The following STPG2 variants were observed in gnomAD, a reference collection of about 807,000 sequenced individuals.
The protein encoded by STPG2 is sperm-tail PG-rich repeat-containing protein 2.
In STPG2, 56 loss-of-function variants were observed where a neutral mutation model predicts 54.2. That is an observed-to-expected ratio of 1.03 (90% CI 0.83 to 1.29). The LOEUF is 1.29. Among genes scored for constraint, STPG2 ranks in the 50% most tolerant of loss-of-function variants. The pLI is 0.00. For synonymous variants in STPG2, 200 were observed against 181.8 expected (o/e 1.10, Z -0.81); for missense variants, 596 against 544.9 (o/e 1.09, Z -0.93).
At chr4:97,948,831 C>A (rs1733351548) in intron 7 of STPG2, among the ~76,000 whole-genome samples, 1 of 151,894 alleles carries the variant, frequency 6.6e-6, no homozygotes, top group Non-Finnish European at 1.5e-5. Flanking sequence ...TGTGGTGTGT[C>A]ATATAGGTCT....
chr4:97,903,722 G>A lies in STPG2; in HGVS notation c.1044+40175C>T, dbSNP rs556144322. On this transcript the variant is annotated intron_variant, in intron 8 of 10. Coordinates refer to ENST00000295268, the MANE Select transcript of STPG2 (RefSeq NM_174952.3). The stretch of plus-strand genomic sequence containing the variant: ...CTCACTAGGGAGTGCCAGACAGTGG[G>A]CGCAGGTCAGTGGGTGCGCAAACTG... 1.5e-4 allele frequency among the ~76,000 whole-genome samples: 23 copies of A among 152,306 alleles called. No individual in the cohort carries two copies. In the Middle Eastern group the frequency reaches 0.014, roughly 90 times the overall value.
At chr4:97,755,938 G>C (rs1725714621) in intron 9 of STPG2, among the ~76,000 whole-genome samples, 1 of 152,184 alleles carries the variant, frequency 6.6e-6, no homozygotes, top group South Asian at 2.1e-4. Flanking sequence ...TAGCAGGTCA[G>C]AGGAGTGACA....
intron 10 of STPG2, among the ~76,000 whole-genome samples, chr4:97,695,083 T>G (rs1723523740): frequency 9.9e-6 from 1 of 100,638 alleles, no homozygotes; most frequent in African/African-American, 3.2e-5. Context: ...GATGCAAAAA[T>G]CCTCCAAAAA....
chr4:97,503,440 A>T (rs112718369), intron 4 of STPG2, among the ~76,000 whole-genome samples: 2,464 of 152,068 alleles, frequency 0.016, 64 homozygotes, highest in African/African-American at 0.057. Context: ...TAATATTTCA[A>T]AATGTACCAA....
chr4:97,485,018 T>C (rs1392586767), intron 4 of STPG2, among the ~76,000 whole-genome samples: 1 of 151,112 alleles, frequency 6.6e-6, no homozygotes, highest in African/African-American at 2.4e-5. Flanking sequence ...ATCCCTTGAT[T>C]AAAACTCTCA....
chr4:98,085,856 TATTAAA>T (rs1247570058), intron 5 of STPG2, among the ~76,000 whole-genome samples: 3 of 152,002 alleles, frequency 2.0e-5, no homozygotes, highest in African/African-American at 7.2e-5. Flanking sequence ...TCTTCAAGAG[TATTAAA>T]ATTATCACAT....
chr4:97,772,751 C>A (rs1726257446), intron 9 of STPG2, among the ~76,000 whole-genome samples: 1 of 151,998 alleles, frequency 6.6e-6, no homozygotes, highest in Non-Finnish European at 1.5e-5. Context: ...AACTTTGTTA[C>A]CTCAAAATTT....
chr4:98,042,356 CT>C (rs1322683080), intron 5 of STPG2, among the ~76,000 whole-genome samples: 1 of 150,320 alleles, frequency 6.7e-6, no homozygotes, highest in Non-Finnish European at 1.5e-5. Context: ...TCTTTCTTTC[CT>C]TTTGCTAGCT....
chr4:97,809,755 A>G (rs969463601), intron 9 of STPG2, among the ~76,000 whole-genome samples: 3 of 152,188 alleles, frequency 2.0e-5, no homozygotes, highest in Admixed American at 6.5e-5. Flanking sequence ...ATAAGAACCC[A>G]GTTTGATCAA....
At chr4:98,036,945 G>A (rs1368719177) in intron 5 of STPG2, among the ~76,000 whole-genome samples, 2 of 151,908 alleles carry the variant, frequency 1.3e-5, no homozygotes, top group African/African-American at 2.4e-5. Context: ...TCAAGTTAGC[G>A]AAAATTGACC....
chr4:98,082,096 A>G (rs967900882), intron 5 of STPG2, among the ~76,000 whole-genome samples: 3 of 152,130 alleles, frequency 2.0e-5, no homozygotes, highest in Non-Finnish European at 4.4e-5. Context: ...CAACCCACCA[A>G]TGAGGTCACT....
intron 9 of STPG2, among the ~76,000 whole-genome samples, chr4:97,776,249 T>C (rs3852122): frequency 0.39 from 59,898 of 151,992 alleles, 11,933 homozygotes; most frequent in Middle Eastern, 0.46. Context: ...AAGTTAAACC[T>C]ATAAGGTAGG....
At chr4:97,744,309 C>T (rs942590932) in intron 9 of STPG2, among the ~76,000 whole-genome samples, 3 of 150,826 alleles carry the variant, frequency 2.0e-5, no homozygotes, top group Admixed American at 6.6e-5. Flanking sequence ...TGAAAATAAG[C>T]CCCTAGGTAA....
intron 5 of STPG2, among the ~76,000 whole-genome samples, chr4:98,008,167 GA>G (rs1189333992): frequency 6.6e-6 from 1 of 151,976 alleles, no homozygotes; most frequent in Non-Finnish European, 1.5e-5. Flanking sequence ...TCATTGTGGA[GA>G]AAAAATCCCT....
At position 97,962,125 on chromosome 4, in the gene STPG2, T is replaced by C. The variant is rs534458031; in HGVS notation, c.933+10155A>G. 3.3e-5 allele frequency among the ~76,000 whole-genome samples: 5 copies of C among 152,282 alleles called. No homozygotes were observed. The South Asian group carries it at 1.0e-3, about 32-fold the overall frequency. Reference sequence around the variant, plus strand: ...CTCAGGAATGGAAAACCAAACATCTTATGTTCTCATTCATATGTGAGACCT... The same window carrying C: ...CTCAGGAATGGAAAACCAAACATCTCATGTTCTCATTCATATGTGAGACCT... On this transcript the variant is annotated intron_variant, in intron 7 of 10. Coordinates refer to ENST00000295268, the MANE Select transcript of STPG2 (RefSeq NM_174952.3).
At chr4:97,679,630 A>C (rs2148977460) in intron 10 of STPG2, among the ~76,000 whole-genome samples, 1 of 152,202 alleles carries the variant, frequency 6.6e-6, no homozygotes, top group South Asian at 2.1e-4. Context: ...CTTTAGTTTA[A>C]CGAGATCCCA....
intron 4 of STPG2, among the ~76,000 whole-genome samples, chr4:97,467,114 C>T (rs1475226319): frequency 6.6e-6 from 1 of 151,924 alleles, no homozygotes; most frequent in Non-Finnish European, 1.5e-5. Flanking sequence ...ACAAGAATTG[C>T]ATAGCCACTG....
intron 9 of STPG2, among the ~76,000 whole-genome samples, chr4:97,826,277 A>G (rs1431836303): frequency 6.6e-6 from 1 of 152,234 alleles, no homozygotes; most frequent in East Asian, 1.9e-4. Context: ...GTAAAAGATT[A>G]TAAGAAGACA....
intron 5 of STPG2, among the ~76,000 whole-genome samples, chr4:97,993,364 T>G (rs983407265): frequency 6.6e-6 from 1 of 152,138 alleles, no homozygotes; most frequent in Non-Finnish European, 1.5e-5. Context: ...ATTCTATTTA[T>G]GTAGTATATC....
Sources: allele counts gnomAD v4.1 joint callset (sites outside exome capture counted in the v4.1 genomes callset), GRCh38; gene constraint gnomAD v4.1.1; transcripts MANE v1.5; gene names NCBI Gene and HGNC (gene_info 2026-07-23, HGNC 2026-07-21).